The following ACSS3 variants were observed in gnomAD, a reference collection of about 807,000 sequenced individuals.
The protein encoded by ACSS3 is acyl-CoA synthetase short chain family member 3.
A neutral mutation model predicts 84.2 loss-of-function variants in ACSS3; 64 were observed. The ratio of observed to expected loss-of-function variants is 0.76; its 90% CI spans 0.62 to 0.94. The LOEUF (loss-of-function observed/expected upper bound fraction) is 0.94, where lower values mean the gene tolerates loss of function less well. Among genes scored for constraint, ACSS3 ranks in the 40% least tolerant of loss-of-function variants. The pLI, the probability that ACSS3 is intolerant of heterozygous loss-of-function variation, is 0.00. For synonymous variants in ACSS3, 317 were observed against 310.1 expected (o/e 1.02, Z -0.23); for missense variants, 815 against 867.6 (o/e 0.94, Z 0.76).
At chr12:81,251,516 C>T (rs1468355456) in intron 13 of ACSS3, among the ~76,000 whole-genome samples, 1 of 151,644 alleles carries the variant, frequency 6.6e-6, no homozygotes, top group African/African-American at 2.4e-5. Context: ...GTTGATATTG[C>T]TATGAATCTA....
At chr12:81,179,508 G>C (rs1406647533) in intron 8 of ACSS3, among the ~76,000 whole-genome samples, 1 of 151,970 alleles carries the variant, frequency 6.6e-6, no homozygotes, top group East Asian at 1.9e-4. Context: ...ACCCCATTAA[G>C]AAATGGGCTC....
chr12:81,170,378 T>C (rs2029942953), intron 7 of ACSS3, among the ~76,000 whole-genome samples: 1 of 152,168 alleles, frequency 6.6e-6, no homozygotes, highest in South Asian at 2.1e-4. Context: ...TTGGTTTCTG[T>C]GCTTTGTACC....
At chr12:81,125,221 A>T (rs2574747) in intron 2 of ACSS3, among the ~76,000 whole-genome samples, 1 of 151,990 alleles carries the variant, frequency 6.6e-6, no homozygotes, top group African/African-American at 2.4e-5. Flanking sequence ...CTCAAAAAAA[A>T]AAAACAAAAC....
chr12:81,250,388 A>G lies in ACSS3; in HGVS notation c.1720-2919A>G, dbSNP rs994592022. ...CTTGAAAATGATTTTGCGTCTCATA[A>G]TTTTTAAGAATTTATCTGCAGTAGG... On this transcript the variant is annotated intron_variant, in intron 13 of 15. Coordinates refer to ENST00000548058, the MANE Select transcript of ACSS3 (RefSeq NM_024560.4). Among the ~76,000 whole-genome samples the G allele has an allele frequency of 3.9e-5, 6 of 152,206 alleles. No individual in the cohort carries two copies. The South Asian group carries it at 6.2e-4, about 16-fold the overall frequency.
chr12:81,176,478 G>T (rs962909562), intron 8 of ACSS3, among the ~76,000 whole-genome samples: 2 of 152,118 alleles, frequency 1.3e-5, no homozygotes, highest in African/African-American at 4.8e-5. Flanking sequence ...GGAGGCTGAG[G>T]CAGGAGAATT....
In ACSS3 at chr12:81,084,231, G is replaced by T. The variant is rs111751594; in HGVS notation, c.311+5800G>T. Among the ~76,000 whole-genome samples, 785 of 152,260 alleles carry T rather than the reference G, an allele frequency of 5.2e-3. 4 individuals carry two copies. Among genetic ancestry groups the T allele is most frequent in the African/African-American group, 0.014 (569 of 41,540 alleles). On this transcript the variant is annotated intron_variant, in intron 1 of 15. Coordinates refer to ENST00000548058, the MANE Select transcript of ACSS3 (RefSeq NM_024560.4). ...TTGTTAAGAAGGTGATAGGATGAAA[G>T]TATTATCAGAAGCCAAGTTTGACTT... is the stretch of plus-strand genomic sequence containing the variant.
chr12:81,168,640 A>G (rs147526596), intron 7 of ACSS3, among the ~76,000 whole-genome samples: 261 of 152,310 alleles, frequency 1.7e-3, no homozygotes, highest in African/African-American at 6.1e-3. Flanking sequence ...TCAGGGTGCT[A>G]TGTCCTATAA....
intron 1 of ACSS3, among the ~76,000 whole-genome samples, chr12:81,097,071 T>A (rs1882116861): frequency 6.6e-6 from 1 of 152,224 alleles, no homozygotes; most frequent in Non-Finnish European, 1.5e-5. Flanking sequence ...AACTAAATTT[T>A]AAATTTTATT....
Position 81,205,063 on chromosome 12 carries a change from G to T in ACSS3, c.1354+5619G>T, listed in dbSNP as rs1392739904. Among the ~76,000 whole-genome samples the T allele has an allele frequency of 2.0e-5, 3 of 152,168 alleles. No individual in the cohort carries two copies. In the East Asian group the frequency reaches 5.8e-4, roughly 29 times the overall value. ...TGAGTATTTCACTCCATAATTGATT[G>T]AACTGCTTCGGTTTTAATTGTAACT... On this transcript the variant is annotated intron_variant, in intron 9 of 15. Coordinates refer to ENST00000548058, the MANE Select transcript of ACSS3 (RefSeq NM_024560.4).
intron 2 of ACSS3, among the ~76,000 whole-genome samples, chr12:81,113,537 G>A (rs1423875610): frequency 1.3e-5 from 2 of 151,948 alleles, no homozygotes; most frequent in Non-Finnish European, 2.9e-5. Context: ...TAGAATCTAA[G>A]TTCCACGAAG....
At chr12:81,231,274 C>T in intron 12 of ACSS3, 136 bp downstream of exon 12, 1 of 643,810 alleles carries the variant, frequency 1.6e-6, no homozygotes, top group Non-Finnish European at 2.6e-6. Context: ...TTTCCAGCTC[C>T]CAGGGATAAG....
intron 13 of ACSS3, among the ~76,000 whole-genome samples, chr12:81,243,410 A>G (rs907443492): frequency 9.9e-5 from 15 of 152,210 alleles, no homozygotes; most frequent in Non-Finnish European, 2.1e-4. Context: ...GGAAGAATCA[A>G]TATCGTGAAA....
At chr12:81,092,609 T>TAAAAAAAA (rs2121340253) in intron 1 of ACSS3, among the ~76,000 whole-genome samples, 1 of 152,158 alleles carries the variant, frequency 6.6e-6, no homozygotes, top group South Asian at 2.1e-4. Context: ...TTGTGCAGCC[T>TAAAAAAAA]CTCATTTTTT....
At chr12:81,247,386 T>C (rs2034016557) in intron 13 of ACSS3, among the ~76,000 whole-genome samples, 1 of 152,090 alleles carries the variant, frequency 6.6e-6, no homozygotes, top group Admixed American at 6.5e-5. Context: ...ATATGTTGTG[T>C]TTTAATGCTT....
At chr12:81,188,796 T>C (rs564602752) in intron 8 of ACSS3, among the ~76,000 whole-genome samples, 84 of 152,226 alleles carry the variant, frequency 5.5e-4, no homozygotes, top group Non-Finnish European at 9.7e-4. Context: ...ATTTTTTAAG[T>C]TGGCAGATAC....
At chr12:81,174,687 C>T (rs1032160472) in intron 7 of ACSS3, 101 bp from the exon 8 acceptor site, 9 of 1,212,590 alleles carry the variant, frequency 7.4e-6, no homozygotes, top group Middle Eastern at 2.9e-4. Context: ...TGTTGAAAAC[C>T]CCTTATTATT....
intron 7 of ACSS3, among the ~76,000 whole-genome samples, chr12:81,155,825 C>T (rs1031910190): frequency 2.0e-5 from 3 of 152,310 alleles, no homozygotes; most frequent in African/African-American, 7.2e-5. Flanking sequence ...ATTAGATACA[C>T]TTCTCTCTTA....
At chr12:81,193,421 C>T (rs955143167) in intron 8 of ACSS3, among the ~76,000 whole-genome samples, 7 of 151,738 alleles carry the variant, frequency 4.6e-5, no homozygotes, top group Non-Finnish European at 8.8e-5. Context: ...TATTTTGGAC[C>T]AAAATTAATT....
intron 7 of ACSS3, among the ~76,000 whole-genome samples, chr12:81,164,268 C>A (rs918632453): frequency 6.6e-6 from 1 of 152,138 alleles, no homozygotes; most frequent in Non-Finnish European, 1.5e-5. Context: ...ACATGCTGTA[C>A]AGATATGTAG....
Sources: allele counts gnomAD v4.1 joint callset (sites outside exome capture counted in the v4.1 genomes callset), GRCh38; gene constraint gnomAD v4.1.1; transcripts MANE v1.5; gene names NCBI Gene and HGNC (gene_info 2026-07-23, HGNC 2026-07-21).